Variants in TMPRSS15 observed in about 807,000 individuals in gnomAD.
The protein encoded by TMPRSS15 is enteropeptidase.
TMPRSS15 carries 128 observed loss-of-function variants against 125.3 expected under a neutral mutation model. The observed-to-expected ratio is 1.02, with a 90% CI of 0.89 to 1.18. The LOEUF is 1.18. TMPRSS15 is among the 50% of genes most tolerant of loss of function. The probability of loss-of-function intolerance (pLI) is 0.00; values close to 1 mark genes in which losing one functional copy is unlikely to be tolerated. For missense variants in TMPRSS15, 1,283 were observed against 1,212.7 expected, an observed-to-expected ratio of 1.06 and a Z score of -0.86; for synonymous variants, 446 against 423.2, an observed-to-expected ratio of 1.05 and a Z score of -0.66.
At chr21:18,286,535 A>G (rs2074767336) in intron 21 of TMPRSS15, among the ~76,000 whole-genome samples, 1 of 152,202 alleles carries the variant, frequency 6.6e-6, no homozygotes, top group Non-Finnish European at 1.5e-5. Context: ...AAATGATATC[A>G]ACACTCACTC....
chr21:18,300,220 C>CTT (rs2074953134), intron 18 of TMPRSS15, among the ~76,000 whole-genome samples: 1 of 102,656 alleles, frequency 9.7e-6, no homozygotes, highest in Non-Finnish European at 2.1e-5. Flanking sequence ...TTTTCTTTCT[C>CTT]TCTTTTTCTT....
chr21:18,476,521 G>A (rs1978883364), intron 1 of TMPRSS15, among the ~76,000 whole-genome samples: 1 of 152,108 alleles, frequency 6.6e-6, no homozygotes, highest in Non-Finnish European at 1.5e-5. Context: ...ACATTTTTGT[G>A]CTTGAAACAA....
intron 13 of TMPRSS15, among the ~76,000 whole-genome samples, chr21:18,341,082 G>T (rs889698300): frequency 2.0e-5 from 3 of 152,100 alleles, no homozygotes; most frequent in East Asian, 1.9e-4. Context: ...ATTTTCTAGA[G>T]ACAGAGTCTT....
chr21:18,365,643 T>TCCTTCCTTCC (rs1555904770), intron 6 of TMPRSS15, among the ~76,000 whole-genome samples: 1 of 26,776 alleles, frequency 3.7e-5, no homozygotes, highest in Non-Finnish European at 8.6e-5. Context: ...TCTCTCTCTT[T>TCCTTCCTTCC]TTCCTCCCTT....
chr21:18,446,373 C>T (rs899151368), intron 1 of TMPRSS15, among the ~76,000 whole-genome samples: 1 of 152,054 alleles, frequency 6.6e-6, no homozygotes, highest in Admixed American at 6.6e-5. Context: ...AATAACAATA[C>T]TACTCAAAGC....
intron 1 of TMPRSS15, among the ~76,000 whole-genome samples, chr21:18,466,744 T>A (rs1418899280): frequency 6.6e-6 from 1 of 151,606 alleles, no homozygotes; most frequent in Non-Finnish European, 1.5e-5. Flanking sequence ...TGGTGATCAT[T>A]AAAGTCAGGA....
intron 1 of TMPRSS15, among the ~76,000 whole-genome samples, chr21:18,465,269 T>C (rs1469262884): frequency 6.6e-6 from 1 of 152,042 alleles, no homozygotes; most frequent in Non-Finnish European, 1.5e-5. Flanking sequence ...CTCAAAATAA[T>C]AAGAGCTATT....
Position 18,281,147 on chromosome 21 carries a change from G to A in TMPRSS15, c.2561C>T (p.Thr854Ile), listed in dbSNP as rs1402595546. 5 of 1,614,004 alleles carry A rather than the reference G, an allele frequency of 3.1e-6. No individual in the cohort carries two copies. In the East Asian group the frequency reaches 8.9e-5, roughly 29 times the overall value. ...HMKSNLTSPQ[T>I]VPRLIDEIVI... ...AATTTCATCTATTAATCGAGGGACT[G>A]TTTGAGGAGAGGTCAGATTTGATTT... Residue 854 changes from threonine to isoleucine, a missense_variant, in exon 22 of 25, where the codon ACA becomes ATA. Transcript: ENST00000284885.
intron 1 of TMPRSS15, among the ~76,000 whole-genome samples, chr21:18,479,400 C>T (rs1978938315): frequency 6.6e-6 from 1 of 151,848 alleles, no homozygotes; most frequent in African/African-American, 2.4e-5. Context: ...GACTGTCAGG[C>T]CATTGGTGAT....
chr21:18,403,530 G>C lies in TMPRSS15; in HGVS notation c.93C>G (p.Leu31=), dbSNP rs767684369. 1 of 1,614,152 alleles carries C rather than the reference G, an allele frequency of 6.2e-7. No homozygotes were observed. The highest frequency in any genetic ancestry group is 2.2e-5 in the East Asian group (1 of 44,872). Reference sequence around the variant, plus strand: ...AGGATACTGCAATTAATCCAGCACAGAGCACTACCAATATGGCAAAGAGAG... The same window carrying C: ...AGGATACTGCAATTAATCCAGCACACAGCACTACCAATATGGCAAAGAGAG... ...FAALFAILVV[L]CAGLIAVSCL... is the part of the protein sequence containing the mutation. The change falls in exon 1 of 25, where the codon CTC becomes CTG. Residue 31 remains leucine, a synonymous_variant. Transcript: ENST00000284885.
At position 18,269,704 on chromosome 21, in the gene TMPRSS15, T is replaced by A. The variant is rs903945472; in HGVS notation, c.*265A>T. ...TAATAAAAATAATCATTAAGAATTT[T>A]AAAAATGAGATCTGTGAAGAAATAC... On this transcript the variant is annotated 3_prime_UTR_variant, in exon 25 of 25. Transcript: ENST00000284885. The A allele has an allele frequency of 5.3e-6, 2 of 378,406 alleles. No individual in the cohort carries two copies. Among genetic ancestry groups the A allele is most frequent in the African/African-American group, 2.1e-5 (1 of 48,428 alleles). 23.4% of individuals were successfully genotyped at this position (378,406 alleles called of 1,614,324 possible). A position where few individuals can be genotyped will look rare whatever the true frequency, so the allele number is the denominator to read the frequency against.
At chr21:18,473,941 G>T (rs1432098335) in intron 1 of TMPRSS15, among the ~76,000 whole-genome samples, 2 of 151,914 alleles carry the variant, frequency 1.3e-5, no homozygotes, top group Non-Finnish European at 2.9e-5. Flanking sequence ...GCCATCAAGG[G>T]TTTGTCCTGT....
intron 13 of TMPRSS15, among the ~76,000 whole-genome samples, chr21:18,336,657 T>G (rs1252372680): frequency 2.0e-5 from 3 of 152,196 alleles, no homozygotes; most frequent in Admixed American, 6.5e-5. Context: ...GCTATTAGTT[T>G]GCTTTGTTTT....
chr21:18,289,306 C>T, intron 21 of TMPRSS15, among the ~76,000 whole-genome samples: 1 of 152,098 alleles, frequency 6.6e-6, no homozygotes, highest in South Asian at 2.1e-4. Context: ...TGAGGTTGGG[C>T]TTTCAAGACC....
rs558002937 is a variant in TMPRSS15 at position 18,431,463 on chromosome 21, CCT to C, written c.11-33136_11-33135del. ...TCCATTGAAACTTCGGAATTTCTCC[CCT>C]GTTTCTTTTCTTTCTTTGTCTTTTC... On this transcript the variant is annotated intron_variant, in intron 1 of 7. Transcript: ENST00000422787. 3.0e-3 allele frequency among the ~76,000 whole-genome samples: 463 copies of C among 152,060 alleles called. 1 individual carries two copies. The highest frequency in any genetic ancestry group is 0.01 in the African/African-American group (417 of 41,490).
At chr21:18,446,380 A>T (rs1298495205) in intron 1 of TMPRSS15, among the ~76,000 whole-genome samples, 1 of 152,176 alleles carries the variant, frequency 6.6e-6, no homozygotes, top group Admixed American at 6.5e-5. Context: ...ATACTACTCA[A>T]AGCAATACAC....
At chr21:18,301,741 T>C (rs1024170079) in intron 18 of TMPRSS15, among the ~76,000 whole-genome samples, 2 of 152,222 alleles carry the variant, frequency 1.3e-5, no homozygotes, top group African/African-American at 2.4e-5. Flanking sequence ...AGAAACTCCA[T>C]ATAGCATTAC....
In TMPRSS15 at chr21:18,330,889, GGTGAAACCCC is replaced by G. The variant is rs2075337786; in HGVS notation, c.1654+1185_1654+1194del. ...AGATCGAGACCATCCTGGCTAACAC[GGTGAAACCCC>G]GTCTCTACTAAAAATACAAAAAAAT... On this transcript the variant is annotated intron_variant, in intron 14 of 24. Coordinates refer to ENST00000284885, the MANE Select transcript of TMPRSS15 (RefSeq NM_002772.3). Among the ~76,000 whole-genome samples, 5 of 151,910 alleles carry G rather than the reference GGTGAAACCCC, an allele frequency of 3.3e-5. No homozygotes were observed. In the South Asian group the frequency reaches 1.0e-3, roughly 32 times the overall value.
chr21:18,355,995 C>A (rs933928237), intron 8 of TMPRSS15, among the ~76,000 whole-genome samples: 12 of 151,912 alleles, frequency 7.9e-5, no homozygotes, highest in African/African-American at 2.9e-4. Flanking sequence ...TACCTAATAT[C>A]TTTTAAAGGA....
Sources: allele counts gnomAD v4.1 joint callset (sites outside exome capture counted in the v4.1 genomes callset), GRCh38; gene constraint gnomAD v4.1.1; transcripts MANE v1.5; gene names NCBI Gene and HGNC (gene_info 2026-07-23, HGNC 2026-07-21).